ROR1: variants seen among roughly 807,000 people sequenced by gnomAD.
ROR1 encodes the protein inactive tyrosine-protein kinase transmembrane receptor ROR1.
A neutral mutation model predicts 78.8 loss-of-function variants in ROR1; 19 were observed. That is an observed-to-expected ratio of 0.24 (90% CI 0.17 to 0.35). The LOEUF (loss-of-function observed/expected upper bound fraction) is 0.35. ROR1 is among the 10% of genes least tolerant of loss of function. ROR1 has a pLI of 1.00. For synonymous variants in ROR1, 386 were observed against 433.6 expected (o/e 0.89, Z 1.36); for missense variants, 917 against 1,177.8 (o/e 0.78, Z 3.24).
chr1:63,860,606 T>C (rs12032484), intron 1 of ROR1, among the ~76,000 whole-genome samples: 1,966 of 71,696 alleles, frequency 0.027, 16 homozygotes, highest in African/African-American at 0.071. Flanking sequence ...CACACACACA[T>C]ACACACACAC....
intron 4 of ROR1, among the ~76,000 whole-genome samples, chr1:64,074,074 C>A (rs1307910867): frequency 6.6e-6 from 1 of 151,730 alleles, no homozygotes; most frequent in East Asian, 1.9e-4. Context: ...GCTTGCTTGC[C>A]CAATGTCCAT....
At chr1:64,108,440 T>G in intron 4 of ROR1, 1 of 145,906 alleles carries the variant, frequency 6.9e-6, no homozygotes, top group Admixed American at 6.8e-5. Flanking sequence ...AAAATCACTG[T>G]TTAGCTTTAA....
chr1:63,787,789 A>T (rs1557496468), intron 1 of ROR1, among the ~76,000 whole-genome samples: 2 of 152,294 alleles, frequency 1.3e-5, no homozygotes, highest in South Asian at 4.1e-4. Context: ...GCCTCCTAAA[A>T]TGTTGGGATT....
intron 1 of ROR1, among the ~76,000 whole-genome samples, chr1:63,950,073 G>A (rs773194261): frequency 5.3e-5 from 8 of 152,130 alleles, no homozygotes; most frequent in Non-Finnish European, 1.2e-4. Context: ...CACAGGGAAT[G>A]TCCTGATAGC....
At chr1:63,880,684 T>A (rs1166098200) in intron 1 of ROR1, among the ~76,000 whole-genome samples, 3 of 152,212 alleles carry the variant, frequency 2.0e-5, no homozygotes, top group African/African-American at 7.2e-5. Flanking sequence ...TATGCCAGGT[T>A]CTTTTCGGTT....
intron 4 of ROR1, among the ~76,000 whole-genome samples, chr1:64,085,933 G>A (rs1051039850): frequency 6.6e-6 from 1 of 152,158 alleles, no homozygotes; most frequent in East Asian, 1.9e-4. Flanking sequence ...TAACAGCAAC[G>A]GGGCATGTGC....
Position 63,774,447 on chromosome 1 carries a change from C to A in ROR1, c.30C>A (p.Arg10=). 1 of 1,175,878 alleles carries A rather than the reference C, an allele frequency of 8.5e-7. No individual in the cohort carries two copies. The highest frequency in any genetic ancestry group is 1.0e-6 in the Non-Finnish European group (1 of 956,882). The allele number at this position is 1,175,878 out of a possible 1,614,324, so 72.8% of individuals were successfully genotyped here. A position where few individuals can be genotyped will look rare whatever the true frequency, so the allele number is the denominator to read the frequency against. The change falls in exon 1 of 9, where the codon CGC becomes CGA. Residue 10 remains arginine, a synonymous_variant. Coordinates refer to ENST00000371079, the MANE Select transcript of ROR1 (RefSeq NM_005012.4). This position sits in a 1 kb window ranked among gnomAD's most constrained non-coding sequence, Gnocchi z 5.7. Reference sequence around the variant, plus strand: ...ACCGGCCGCGCCGCCGCGGGACGCGCCCGCCGCTCCTGGCGCTGCTGGCCG... The same window carrying A: ...ACCGGCCGCGCCGCCGCGGGACGCGACCGCCGCTCCTGGCGCTGCTGGCCG... The part of the protein sequence containing the change: MHRPRRRGT[R]PPLLALLAAL...
chr1:64,166,730 G>A (rs931308734), intron 8 of ROR1, among the ~76,000 whole-genome samples: 3 of 152,144 alleles, frequency 2.0e-5, no homozygotes, highest in African/African-American at 7.2e-5. Context: ...TCTTTGGACA[G>A]CTCTCGTATT....
intron 1 of ROR1, among the ~76,000 whole-genome samples, chr1:63,894,573 T>G (rs1645424749): frequency 6.6e-6 from 1 of 152,170 alleles, no homozygotes; most frequent in South Asian, 2.1e-4. Context: ...CTGATCATGT[T>G]CAGGATGGGG....
intron 2 of ROR1, among the ~76,000 whole-genome samples, chr1:64,022,441 A>G (rs879276726): frequency 1.2e-4 from 19 of 152,250 alleles, no homozygotes; most frequent in Admixed American, 1.1e-3. Context: ...TAAATAAACA[A>G]AACAGTCACA....
At chr1:63,968,522 G>A (rs982016830) in intron 1 of ROR1, among the ~76,000 whole-genome samples, 1 of 151,774 alleles carries the variant, frequency 6.6e-6, no homozygotes, top group African/African-American at 2.4e-5. Flanking sequence ...ATATTTAAAA[G>A]TTCAAACCTC....
intron 1 of ROR1, among the ~76,000 whole-genome samples, chr1:64,001,099 C>T (rs1422426634): frequency 3.3e-5 from 5 of 152,150 alleles, no homozygotes; most frequent in African/African-American, 7.2e-5. Flanking sequence ...CAAATGTTTG[C>T]AGCGAATGGT....
intron 1 of ROR1, among the ~76,000 whole-genome samples, chr1:63,853,913 C>G (rs1353731620): frequency 2.0e-5 from 3 of 152,036 alleles, no homozygotes; most frequent in African/African-American, 4.8e-5. Flanking sequence ...GGATAAAAAC[C>G]ATACGGTTTC....
intron 2 of ROR1, among the ~76,000 whole-genome samples, chr1:64,015,283 T>C (rs899089987): frequency 6.6e-6 from 1 of 152,166 alleles, no homozygotes; most frequent in African/African-American, 2.4e-5. Context: ...GTTAAGACAC[T>C]CAAACCATAT....
intron 1 of ROR1, among the ~76,000 whole-genome samples, chr1:63,831,316 T>A (rs1350712476): frequency 2.6e-5 from 4 of 152,198 alleles, no homozygotes; most frequent in African/African-American, 9.7e-5. Context: ...GTAGAGGTTC[T>A]CCATGAGGAC....
At chr1:64,168,583 A>G (rs763754721) in intron 8 of ROR1, among the ~76,000 whole-genome samples, 1 of 152,138 alleles carries the variant, frequency 6.6e-6, no homozygotes, top group Non-Finnish European at 1.5e-5. Flanking sequence ...GCAACTAGCT[A>G]TTAAAATATA....
At chr1:63,889,219 GA>G (rs1645377799) in intron 1 of ROR1, among the ~76,000 whole-genome samples, 1 of 151,532 alleles carries the variant, frequency 6.6e-6, no homozygotes, top group African/African-American at 2.4e-5. Context: ...CTAATTTACA[GA>G]AGTGACATGC....
chr1:63,955,919 A>C (rs980170690), intron 1 of ROR1, among the ~76,000 whole-genome samples: 83 of 152,254 alleles, frequency 5.5e-4, no homozygotes, highest in African/African-American at 2.0e-3. Flanking sequence ...TGCGTGACCC[A>C]TAATTATCTC....
chr1:64,162,824 C>T (rs1485408643), intron 8 of ROR1, among the ~76,000 whole-genome samples: 1 of 152,130 alleles, frequency 6.6e-6, no homozygotes, highest in African/African-American at 2.4e-5. Context: ...TGAACCTTCT[C>T]AGAGGAGCCT....
Sources: allele counts gnomAD v4.1 joint callset (sites outside exome capture counted in the v4.1 genomes callset), GRCh38; gene constraint gnomAD v4.1.1; non-coding constraint Gnocchi (gnomAD v3.1); transcripts MANE v1.5; gene names NCBI Gene and HGNC (gene_info 2026-07-23, HGNC 2026-07-21).